Variants in INSYN2B observed in about 807,000 individuals in gnomAD.
The protein encoded by INSYN2B is protein INSYN2B.
INSYN2B carries 16 observed loss-of-function variants against 41.2 expected under a neutral mutation model. That is an observed-to-expected ratio of 0.39 (90% CI 0.26 to 0.59). The LOEUF (loss-of-function observed/expected upper bound fraction) is 0.59. INSYN2B is among the 20% of genes least tolerant of loss of function. INSYN2B has a pLI of 0.57. For synonymous variants in INSYN2B, 245 were observed against 244.4 expected (o/e 1.00, Z -0.02); for missense variants, 608 against 646.4 (o/e 0.94, Z 0.64).
intron 1 of INSYN2B, among the ~76,000 whole-genome samples, chr5:169,973,852 G>C (rs930202583): frequency 3.9e-5 from 6 of 152,106 alleles, no homozygotes; most frequent in Admixed American, 3.3e-4. Context: ...TTATCCATAT[G>C]TCCATACATC....
intron 1 of INSYN2B, among the ~76,000 whole-genome samples, chr5:169,939,048 CAT>C (rs1344847682): frequency 2.6e-5 from 4 of 151,306 alleles, no homozygotes; most frequent in Admixed American, 6.6e-5. Flanking sequence ...GGACTACAGG[CAT>C]GCACCACCAC....
rs1007649901 is a variant in INSYN2B, at chr5:169,978,402, G to T, written c.-919+1875C>A. Among the ~76,000 whole-genome samples, 14 of 136,854 alleles carry T rather than the reference G, an allele frequency of 1.0e-4. 1 individual carries two copies. Among genetic ancestry groups the T allele is most frequent in the Non-Finnish European group, 2.1e-4 (13 of 62,066 alleles). The allele number at this position is 136,854 out of a possible 152,430, so 89.8% of individuals were successfully genotyped here. On this transcript the variant is annotated intron_variant, in intron 1 of 3. Coordinates refer to ENST00000377365, the MANE Select transcript of INSYN2B (RefSeq NM_001129891.3). Reference sequence around the variant, plus strand: ...GTGTGTGTGTGTGTGTGGGGGGGGGGGGGTGTAGGTGTGTTTGCATTAGAG... The same window carrying T: ...GTGTGTGTGTGTGTGTGGGGGGGGGTGGGTGTAGGTGTGTTTGCATTAGAG...
chr5:169,887,080 A>G (rs1773015062), intron 1 of INSYN2B, among the ~76,000 whole-genome samples: 3 of 152,334 alleles, frequency 2.0e-5, no homozygotes, highest in African/African-American at 7.2e-5. Flanking sequence ...ATTTGGACCC[A>G]CAGACTGACC....
chr5:169,975,599 C>A (rs2113773010), intron 1 of INSYN2B, among the ~76,000 whole-genome samples: 1 of 152,254 alleles, frequency 6.6e-6, no homozygotes, highest in East Asian at 1.9e-4. Flanking sequence ...TTTGCATGAC[C>A]CATTTTCACT....
At chr5:169,881,887 T>C (rs1038755041) in intron 2 of INSYN2B, among the ~76,000 whole-genome samples, 1 of 152,206 alleles carries the variant, frequency 6.6e-6, no homozygotes, top group African/African-American at 2.4e-5. Flanking sequence ...TTCTTTGTCT[T>C]TAGAGAGCAC....
intron 1 of INSYN2B, among the ~76,000 whole-genome samples, chr5:169,886,283 T>C (rs1772964114): frequency 6.6e-6 from 1 of 152,142 alleles, no homozygotes; most frequent in Non-Finnish European, 1.5e-5. Flanking sequence ...CTTCTGAGAG[T>C]GGCATTGTCA....
intron 1 of INSYN2B, among the ~76,000 whole-genome samples, chr5:169,927,647 C>T (rs186901376): frequency 9.3e-4 from 142 of 152,334 alleles, no homozygotes; most frequent in African/African-American, 3.4e-3. Flanking sequence ...GACGGAGTCT[C>T]GCTCTGTCGC....
intron 1 of INSYN2B, among the ~76,000 whole-genome samples, chr5:169,952,695 C>T (rs1776708922): frequency 6.6e-6 from 1 of 152,206 alleles, no homozygotes; most frequent in Admixed American, 6.5e-5. Context: ...GGATATCATG[C>T]TCCAGCCAGC....
intron 1 of INSYN2B, among the ~76,000 whole-genome samples, chr5:169,914,768 C>T (rs1000844639): frequency 1.3e-5 from 2 of 152,178 alleles, no homozygotes; most frequent in African/African-American, 4.8e-5. Flanking sequence ...CCACCTTTGC[C>T]TCAACCATGC....
chr5:169,881,739 T>G (rs1772667822), intron 2 of INSYN2B, among the ~76,000 whole-genome samples: 1 of 152,216 alleles, frequency 6.6e-6, no homozygotes, highest in Non-Finnish European at 1.5e-5. Flanking sequence ...ACTCCTGACC[T>G]CTTAGTTCAG....
chr5:169,894,918 C>T (rs1408786443), intron 1 of INSYN2B, among the ~76,000 whole-genome samples: 1 of 152,188 alleles, frequency 6.6e-6, no homozygotes, highest in Non-Finnish European at 1.5e-5. Flanking sequence ...TGCCAAATGT[C>T]CCGTCTGCTG....
chr5:169,969,766 A>C (rs1188620898), intron 1 of INSYN2B, among the ~76,000 whole-genome samples: 1 of 152,212 alleles, frequency 6.6e-6, no homozygotes, highest in Non-Finnish European at 1.5e-5. Flanking sequence ...GTCTCCCAGC[A>C]GACCAAGATG....
chr5:169,924,164 G>C (rs1775318655), intron 1 of INSYN2B, among the ~76,000 whole-genome samples: 1 of 152,146 alleles, frequency 6.6e-6, no homozygotes, highest in South Asian at 2.1e-4. Flanking sequence ...ACAGTGCCTG[G>C]AAAGTCCCAG....
At chr5:169,925,803 A>G (rs965669459) in intron 1 of INSYN2B, among the ~76,000 whole-genome samples, 2 of 152,066 alleles carry the variant, frequency 1.3e-5, no homozygotes, top group Admixed American at 6.6e-5. Flanking sequence ...TGAGTCCTTC[A>G]TACATATTAT....
chr5:169,970,399 C>G (rs1777458705), intron 1 of INSYN2B, among the ~76,000 whole-genome samples: 1 of 152,170 alleles, frequency 6.6e-6, no homozygotes, highest in African/African-American at 2.4e-5. Flanking sequence ...CTGGACAGCC[C>G]CCTGGCTGAA....
chr5:169,921,886 A>G (rs189783039), intron 1 of INSYN2B, among the ~76,000 whole-genome samples: 10 of 152,276 alleles, frequency 6.6e-5, no homozygotes, highest in Non-Finnish European at 1.2e-4. Flanking sequence ...GGAACATAGT[A>G]AATAATACTG....
At chr5:169,874,736 A>C (rs889675870) in intron 3 of INSYN2B, among the ~76,000 whole-genome samples, 2 of 152,114 alleles carry the variant, frequency 1.3e-5, no homozygotes, top group Non-Finnish European at 2.9e-5. Flanking sequence ...GTCAGCCTGG[A>C]TTGCCAATCA....
intron 3 of INSYN2B, 38 bp from the exon 4 acceptor site, chr5:169,864,497 G>T: frequency 1.4e-6 from 2 of 1,439,154 alleles, no homozygotes; most frequent in Non-Finnish European, 9.3e-7. Context: ...AAGTGAATTC[G>T]AATCAGCACA....
Position 169,883,900 on chromosome 5 carries a change from G to A in INSYN2B, c.-2C>T. 1 of 1,496,236 alleles carries A rather than the reference G, an allele frequency of 6.7e-7. No homozygotes were observed. 92.7% of individuals were successfully genotyped at this position (1,496,236 alleles called of 1,614,324 possible). ...CACTTTCATATTTTGCTGGGCCATT[G>A]AGCCTCAGTGGGAAGGATCAGGACC... On this transcript the variant is annotated 5_prime_UTR_variant, in exon 2 of 4. Transcript: ENST00000377365.
Sources: allele counts gnomAD v4.1 joint callset (sites outside exome capture counted in the v4.1 genomes callset), GRCh38; gene constraint gnomAD v4.1.1; transcripts MANE v1.5; gene names NCBI Gene and HGNC (gene_info 2026-07-23, HGNC 2026-07-21).